The following DCLK2 variants were observed in gnomAD, a reference collection of about 807,000 sequenced individuals.
The protein encoded by DCLK2 is doublecortin like kinase 2.
In DCLK2, 31 loss-of-function variants were observed where a neutral mutation model predicts 78.4. The observed-to-expected ratio is 0.40, with a 90% CI of 0.30 to 0.53. The LOEUF is 0.53. Ranked by LOEUF, DCLK2 falls within the 20% of genes least tolerant of loss-of-function variation. The pLI, the probability that DCLK2 is intolerant of heterozygous loss-of-function variation, is 0.61. For missense variants in DCLK2, 872 were observed against 973.7 expected (o/e 0.90, Z 1.39); for synonymous variants, 407 against 374.9 (o/e 1.09, Z -0.99).
chr4:150,110,346 G>A lies in DCLK2; in HGVS notation c.756+7534G>A, dbSNP rs1031792059. On this transcript the variant is annotated intron_variant, in intron 2 of 15. Transcript: ENST00000296550. ...TGTATTTTTCTTGGATTATAATAAT[G>A]GTTATCACAATATTAATTTTGTTAC... Among the ~76,000 whole-genome samples, 4 of 152,184 alleles carry A rather than the reference G, an allele frequency of 2.6e-5. No homozygotes were observed. In the South Asian group the frequency reaches 6.2e-4, roughly 24 times the overall value.
At chr4:150,178,545 C>A (rs943860003) in intron 2 of DCLK2, among the ~76,000 whole-genome samples, 1 of 150,212 alleles carries the variant, frequency 6.7e-6, no homozygotes, top group Non-Finnish European at 1.5e-5. Flanking sequence ...AAAAAAAAAT[C>A]TTATTGCTTT....
intron 7 of DCLK2, among the ~76,000 whole-genome samples, chr4:150,222,694 CAAACAAAAAAAA>C (rs1342241468): frequency 5.4e-5 from 8 of 148,714 alleles, no homozygotes; most frequent in Non-Finnish European, 1.2e-4. Flanking sequence ...AAAAACAAGA[CAAACAAAAAAAA>C]AAACAAAAAA....
At chr4:150,213,135 T>C (rs1740437082) in intron 5 of DCLK2, among the ~76,000 whole-genome samples, 1 of 152,230 alleles carries the variant, frequency 6.6e-6, no homozygotes, top group Non-Finnish European at 1.5e-5. Context: ...TCTCTGCTGG[T>C]TTTGGCAAGC....
intron 2 of DCLK2, among the ~76,000 whole-genome samples, chr4:150,140,495 G>A (rs1312422237): frequency 1.3e-5 from 2 of 152,214 alleles, no homozygotes; most frequent in African/African-American, 4.8e-5. Flanking sequence ...CCAGGAGCAA[G>A]TGGCAGAGTT....
chr4:150,164,100 C>G (rs1735897396), intron 2 of DCLK2, among the ~76,000 whole-genome samples: 1 of 152,304 alleles, frequency 6.6e-6, no homozygotes, highest in African/African-American at 2.4e-5. Flanking sequence ...CTGACATTTC[C>G]TTATGGTTTT....
At chr4:150,235,192 A>C (rs1328653725) in intron 10 of DCLK2, among the ~76,000 whole-genome samples, 2 of 152,046 alleles carry the variant, frequency 1.3e-5, no homozygotes, top group African/African-American at 4.8e-5. Context: ...CTTCCCTATA[A>C]ACCAGGGAGT....
chr4:150,180,093 T>G (rs1287808276), intron 2 of DCLK2, among the ~76,000 whole-genome samples: 1 of 152,210 alleles, frequency 6.6e-6, no homozygotes, highest in Non-Finnish European at 1.5e-5. Flanking sequence ...CCCTGTTATG[T>G]TTTTTCATAG....
intron 2 of DCLK2, among the ~76,000 whole-genome samples, chr4:150,191,503 A>G (rs1321180104): frequency 6.6e-6 from 1 of 152,070 alleles, no homozygotes; most frequent in Admixed American, 6.5e-5. Context: ...CCTAAATGTG[A>G]GCGGTTGGTG....
intron 7 of DCLK2, among the ~76,000 whole-genome samples, chr4:150,222,696 A>G (rs1428515211): frequency 1.3e-5 from 2 of 151,182 alleles, no homozygotes; most frequent in Admixed American, 6.6e-5. Flanking sequence ...AAACAAGACA[A>G]ACAAAAAAAA....
chr4:150,233,329 C>T (rs1742227154), intron 10 of DCLK2, among the ~76,000 whole-genome samples: 1 of 152,152 alleles, frequency 6.6e-6, no homozygotes, highest in African/African-American at 2.4e-5. Context: ...GGTGCCTCCC[C>T]CAACATTGGG....
At chr4:150,154,729 C>T (rs1735139131) in intron 2 of DCLK2, among the ~76,000 whole-genome samples, 2 of 152,156 alleles carry the variant, frequency 1.3e-5, no homozygotes, top group South Asian at 4.2e-4. Flanking sequence ...TTGCCTTTGT[C>T]ATGGTAGGAA....
At chr4:150,123,327 ATTG>A (rs763740042) in intron 2 of DCLK2, among the ~76,000 whole-genome samples, 10 of 152,094 alleles carry the variant, frequency 6.6e-5, no homozygotes, top group Non-Finnish European at 1.3e-4. Flanking sequence ...TAGTTTCAGT[ATTG>A]TTGTAACATC....
intron 5 of DCLK2, among the ~76,000 whole-genome samples, chr4:150,217,440 G>A (rs1197775386): frequency 1.3e-5 from 2 of 152,170 alleles, no homozygotes; most frequent in Admixed American, 6.5e-5. Context: ...CTAGCTGAGC[G>A]ATTCAAACAC....
chr4:150,186,254 C>T (rs773318252), intron 2 of DCLK2, among the ~76,000 whole-genome samples: 2 of 151,700 alleles, frequency 1.3e-5, no homozygotes, highest in East Asian at 1.9e-4. Flanking sequence ...ACGGATTTAG[C>T]GACCTGGTCC....
intron 14 of DCLK2, among the ~76,000 whole-genome samples, chr4:150,248,855 A>G (rs1743524179): frequency 6.6e-6 from 1 of 152,036 alleles, no homozygotes. Flanking sequence ...GACACATGAT[A>G]TTGACTAGAG....
intron 8 of DCLK2, 63 bp downstream of exon 8, chr4:150,224,621 TGATGAAG>T: frequency 7.1e-7 from 1 of 1,415,716 alleles, no homozygotes; most frequent in East Asian, 2.3e-5. Context: ...GTGTTTACTG[TGATGAAG>T]GAATTTAAGT....
At chr4:150,209,464 T>C (rs768034676) in intron 5 of DCLK2, among the ~76,000 whole-genome samples, 19 of 152,262 alleles carry the variant, frequency 1.2e-4, no homozygotes, top group Non-Finnish European at 2.5e-4. Flanking sequence ...CTCTGGTTTA[T>C]TTTCCTTTTG....
chr4:150,153,438 G>C (rs536252015), intron 2 of DCLK2, among the ~76,000 whole-genome samples: 1 of 151,860 alleles, frequency 6.6e-6, no homozygotes, highest in Non-Finnish European at 1.5e-5. Context: ...TAGGGGACAG[G>C]GTCTTGCTCT....
chr4:150,135,324 C>T (rs1733617773), intron 2 of DCLK2, among the ~76,000 whole-genome samples: 1 of 152,174 alleles, frequency 6.6e-6, no homozygotes, highest in African/African-American at 2.4e-5. Flanking sequence ...TCATATTACT[C>T]AGCCACAGAA....
Sources: allele counts gnomAD v4.1 joint callset (sites outside exome capture counted in the v4.1 genomes callset), GRCh38; gene constraint gnomAD v4.1.1; transcripts MANE v1.5; gene names NCBI Gene and HGNC (gene_info 2026-07-23, HGNC 2026-07-21).